The following KPNA5 variants were observed in gnomAD, a reference collection of about 807,000 sequenced individuals.
The protein encoded by KPNA5 is karyopherin subunit alpha 5.
A neutral mutation model predicts 71.3 loss-of-function variants in KPNA5; 46 were observed. That is an observed-to-expected ratio of 0.65 (90% CI 0.51 to 0.83). KPNA5 has a LOEUF of 0.83. Ranked by LOEUF, KPNA5 falls within the 40% of genes least tolerant of loss-of-function variation. The pLI, the probability that KPNA5 is intolerant of heterozygous loss-of-function variation, is 0.00. For synonymous variants in KPNA5, 207 were observed against 201.4 expected (o/e 1.03, Z -0.24); for missense variants, 547 against 628.3 (o/e 0.87, Z 1.38).
chr6:116,722,690 G>A (rs1192509834), intron 9 of KPNA5, among the ~76,000 whole-genome samples: 10 of 152,132 alleles, frequency 6.6e-5, no homozygotes, highest in Non-Finnish European at 1.3e-4. Flanking sequence ...AAAAGTCCAT[G>A]TAGTGAAAAT....
At chr6:116,716,982 A>G (rs1778910772) in intron 8 of KPNA5, among the ~76,000 whole-genome samples, 1 of 151,980 alleles carries the variant, frequency 6.6e-6, no homozygotes, top group Admixed American at 6.6e-5. Context: ...TTTACTTTTC[A>G]TTTCATTTCA....
intron 2 of KPNA5, among the ~76,000 whole-genome samples, chr6:116,691,539 T>G (rs189399343): frequency 4.3e-4 from 66 of 152,346 alleles, no homozygotes; most frequent in Non-Finnish European, 7.5e-4. Flanking sequence ...CTCACCATGT[T>G]TCTTTCTTCT....
chr6:116,699,887 C>T (rs566610146), intron 5 of KPNA5, among the ~76,000 whole-genome samples: 1 of 152,086 alleles, frequency 6.6e-6, no homozygotes, highest in Admixed American at 6.6e-5. Flanking sequence ...TATTGTAGTT[C>T]CAAAATTCAG....
At chr6:116,731,394 G>A (rs184783706) in intron 13 of KPNA5, among the ~76,000 whole-genome samples, 56 of 152,244 alleles carry the variant, frequency 3.7e-4, no homozygotes, top group African/African-American at 1.3e-3. Context: ...TCAGACTAGG[G>A]TTTGAGCTAT....
chr6:116,723,100 G>C, intron 9 of KPNA5, among the ~76,000 whole-genome samples: 1 of 152,182 alleles, frequency 6.6e-6, no homozygotes, highest in East Asian at 1.9e-4. Context: ...CTTGGAGCCA[G>C]CACATCATGG....
chr6:116,724,503 G>A, intron 10 of KPNA5, 128 bp downstream of exon 10: 2 of 583,940 alleles, frequency 3.4e-6, no homozygotes, highest in Non-Finnish European at 6.2e-6. Context: ...GTCTGTATCT[G>A]TGTCTTGGAG....
intron 1 of KPNA5, among the ~76,000 whole-genome samples, chr6:116,683,929 T>G (rs1357840424): frequency 8.6e-6 from 1 of 116,902 alleles, no homozygotes; most frequent in African/African-American, 4.2e-5. Context: ...TTTTTTTTTT[T>G]TGACAGAGTC....
chr6:116,703,373 C>T (rs1778302577), intron 6 of KPNA5, among the ~76,000 whole-genome samples: 1 of 151,954 alleles, frequency 6.6e-6, no homozygotes, highest in South Asian at 2.1e-4. Flanking sequence ...AGCGATTCTC[C>T]TGCCTCAGCC....
At chr6:116,732,074 T>TTGTATATATATA (rs1463339776) in intron 13 of KPNA5, 62 bp from the exon 14 acceptor site, 1 of 66,302 alleles carries the variant, frequency 1.5e-5, no homozygotes, top group Non-Finnish European at 3.2e-5. Flanking sequence ...AACAGTTTGT[T>TTGTATATATATA]TATATATATA....
At chr6:116,702,738 G>A (rs989502715) in intron 6 of KPNA5, among the ~76,000 whole-genome samples, 10 of 152,322 alleles carry the variant, frequency 6.6e-5, no homozygotes, top group Middle Eastern at 3.4e-3. Flanking sequence ...GCAGAGCCGG[G>A]TTTTAAAGCT....
chr6:116,710,328 CT>C (rs1778611201), intron 7 of KPNA5, among the ~76,000 whole-genome samples: 1 of 151,456 alleles, frequency 6.6e-6, no homozygotes, highest in South Asian at 2.1e-4. Flanking sequence ...GTTTTGATGT[CT>C]TTGTCTTTGG....
At chr6:116,686,895 G>T (rs1007551288) in intron 1 of KPNA5, among the ~76,000 whole-genome samples, 1 of 152,098 alleles carries the variant, frequency 6.6e-6, no homozygotes, top group Non-Finnish European at 1.5e-5. Context: ...CTATGTGTCT[G>T]TTTTTGTACC....
At chr6:116,727,435 T>A (rs1779331181) in intron 12 of KPNA5, among the ~76,000 whole-genome samples, 1 of 151,962 alleles carries the variant, frequency 6.6e-6, no homozygotes, top group Non-Finnish European at 1.5e-5. Context: ...AAAAACACAA[T>A]ACAACAATTA....
intron 12 of KPNA5, among the ~76,000 whole-genome samples, chr6:116,728,192 A>C (rs1411146601): frequency 6.6e-6 from 1 of 151,442 alleles, no homozygotes; most frequent in Admixed American, 6.6e-5. Flanking sequence ...CCTTTGTTCT[A>C]TTTTGTATTT....
intron 8 of KPNA5, among the ~76,000 whole-genome samples, chr6:116,720,031 C>T (rs185420982): frequency 6.6e-6 from 1 of 152,282 alleles, no homozygotes; most frequent in East Asian, 1.9e-4. Context: ...ATTTTGTTGT[C>T]CAGTTTCTCC....
At chr6:116,719,876 C>T (rs1427793709) in intron 8 of KPNA5, among the ~76,000 whole-genome samples, 2 of 151,930 alleles carry the variant, frequency 1.3e-5, no homozygotes, top group Non-Finnish European at 2.9e-5. Flanking sequence ...AAATAATAAA[C>T]ATCTGGGAAC....
At chr6:116,728,553 C>T (rs921008596) in intron 12 of KPNA5, among the ~76,000 whole-genome samples, 2 of 152,250 alleles carry the variant, frequency 1.3e-5, no homozygotes, top group East Asian at 3.9e-4. Flanking sequence ...CCTGTAATCT[C>T]TTAACTATGA....
intron 12 of KPNA5, among the ~76,000 whole-genome samples, chr6:116,728,663 G>C (rs1779364953): frequency 6.6e-6 from 1 of 151,642 alleles, no homozygotes; most frequent in Non-Finnish European, 1.5e-5. Flanking sequence ...TTTTTAAGAG[G>C]GACAGAAACT....
At chr6:116,698,932 T>C in intron 5 of KPNA5, 134 bp downstream of exon 5, 1 of 480,010 alleles carries the variant, frequency 2.1e-6, no homozygotes, top group South Asian at 4.1e-5. Context: ...AAGGTAGTGC[T>C]GCCTATCTTG....
Sources: allele counts gnomAD v4.1 joint callset (sites outside exome capture counted in the v4.1 genomes callset), GRCh38; gene constraint gnomAD v4.1.1; transcripts MANE v1.5; gene names NCBI Gene and HGNC (gene_info 2026-07-23, HGNC 2026-07-21).